PAXBP1: variants seen among roughly 807,000 people sequenced by gnomAD.
PAXBP1 encodes the protein PAX3 and PAX7 binding protein 1.
In PAXBP1, 44 loss-of-function variants were observed where a neutral mutation model predicts 119.9. That is an observed-to-expected ratio of 0.37 (90% CI 0.29 to 0.47). The LOEUF (loss-of-function observed/expected upper bound fraction) is 0.47. Ranked by LOEUF, PAXBP1 falls within the 20% of genes least tolerant of loss-of-function variation. PAXBP1 has a pLI of 0.99. For synonymous variants in PAXBP1, 393 were observed against 406.6 expected (o/e 0.97, Z 0.40); for missense variants, 898 against 1,134.1 (o/e 0.79, Z 2.99).
In PAXBP1 at chr21:32,771,325, C is replaced by T; in HGVS notation, c.343+1G>A. The stretch of plus-strand genomic sequence containing the variant: ...AAGGGCGTCCGAAGCGCGCACTTTA[C>T]CTTCCTCCTCGTCCTGGAAGCTGAG... On this transcript the variant is annotated splice_donor_variant, in intron 1 of 17. Coordinates refer to ENST00000331923, the MANE Select transcript of PAXBP1 (RefSeq NM_016631.4). LOFTEE classifies it high-confidence loss of function. 6.3e-7 allele frequency: 1 copy of T among 1,580,288 alleles called. No individual in the cohort carries two copies. The highest frequency in any genetic ancestry group is 1.1e-5 in the South Asian group (1 of 90,444).
intron 6 of PAXBP1, 188 bp from the exon 7 acceptor site, chr21:32,759,457 T>C (rs1569164229): frequency 2.9e-6 from 2 of 688,790 alleles, no homozygotes; most frequent in South Asian, 2.2e-5. Context: ...GATTTCACAG[T>C]TTTGTGGGCT....
At position 32,771,493 on chromosome 21, in the gene PAXBP1, G is replaced by A. The variant is rs1352952315; in HGVS notation, c.176C>T (p.Pro59Leu). ...CAGCGCGGAAGGCGGCGACGGCCCC[G>A]GGCCCAGCAGCGACTCCCCGCCAGG... is the stretch of plus-strand genomic sequence containing the variant. Reference protein sequence around the residue: ...RAPGGESLLGPGPSPPSALTP... With the variant: ...RAPGGESLLGLGPSPPSALTP... The change falls in exon 1 of 18, where the codon CCG becomes CTG. Residue 59 changes from proline to leucine, a missense_variant. Pro to Leu is a moderately conservative substitution (Grantham distance 98). Coordinates refer to ENST00000331923, the MANE Select transcript of PAXBP1 (RefSeq NM_016631.4). The A allele has an allele frequency of 6.1e-6, 8 of 1,318,564 alleles. No individual in the cohort carries two copies. Among genetic ancestry groups the A allele is most frequent in the Non-Finnish European group, 6.7e-6 (7 of 1,039,656 alleles). The allele number at this position is 1,318,564 out of a possible 1,614,324, so 81.7% of individuals were successfully genotyped here. A position where few individuals can be genotyped will look rare whatever the true frequency, so the allele number is the denominator to read the frequency against.
chr21:32,737,980 T>A (rs1468836770), intron 16 of PAXBP1, among the ~76,000 whole-genome samples, 193 bp downstream of exon 16: 1 of 152,086 alleles, frequency 6.6e-6, no homozygotes, highest in East Asian at 1.9e-4. Flanking sequence ...TATATATATA[T>A]AACAGTATGC....
chr21:32,771,468 C>T lies in PAXBP1; in HGVS notation c.201G>A (p.Leu67=), dbSNP rs2044350422. ...CGGCCTCAGCCCCGAGGCCCGGGGT[C>T]AGCGCGGAAGGCGGCGACGGCCCCG... ...LGPGPSPPSA[L]TPGLGAEAGG... Residue 67 remains leucine (L), a synonymous_variant, in exon 1 of 18, where the codon CTG becomes CTA. Coordinates refer to ENST00000331923, the MANE Select transcript of PAXBP1 (RefSeq NM_016631.4). The T allele has an allele frequency of 1.5e-6, 2 of 1,363,620 alleles. No individual in the cohort carries two copies. The highest frequency in any genetic ancestry group is 1.5e-5 in the African/African-American group (1 of 65,388). The allele number at this position is 1,363,620 out of a possible 1,614,324, so 84.5% of individuals were successfully genotyped here.
intron 4 of PAXBP1, 135 bp downstream of exon 4, chr21:32,761,961 T>A (rs1485791123): frequency 8.2e-6 from 7 of 857,362 alleles, no homozygotes; most frequent in Non-Finnish European, 1.3e-5. Context: ...ACTGTTTGAG[T>A]CCACGAGTCA....
Position 32,748,689 on chromosome 21 carries a change from G to C in PAXBP1, c.1733C>G (p.Ser578Ter). The change falls in exon 11 of 18, where the codon TCA (serine) becomes TGA (stop). Residue 578 changes from serine to a stop codon, truncating the protein, a stop_gained. Coordinates refer to ENST00000331923, the MANE Select transcript of PAXBP1 (RefSeq NM_016631.4). LOFTEE classifies it high-confidence loss of function. ...TTCAAAAACTTTGCCGGATTCTTTT[G>C]AAATTCGATCTAAAAACAACAAAAC... ...TNFNLEKDRI[S>*]KESGKVFEDV... is the part of the protein sequence containing the mutation. 1 of 1,609,052 alleles carries C rather than the reference G, an allele frequency of 6.2e-7. No individual in the cohort carries two copies. The highest frequency in any genetic ancestry group is 8.5e-7 in the Non-Finnish European group (1 of 1,177,474).
rs1292043119 is a variant in PAXBP1, at chr21:32,741,300, C to A, written c.2334+1948G>T. The A allele has an allele frequency of 4.0e-5, 16 of 398,870 alleles. No homozygotes were observed. In the East Asian group the frequency reaches 6.9e-4, roughly 17 times the overall value. The allele number at this position is 398,870 out of a possible 1,614,324, so 24.7% of individuals were successfully genotyped here. A position where few individuals can be genotyped will look rare whatever the true frequency, so the allele number is the denominator to read the frequency against. ...GGCCAAGGGAAGGCTTCCCCTTTGC[C>A]CTATGAAGTTTCGCTGAAAATTACT... On this transcript the variant is annotated intron_variant, in intron 15 of 17. Coordinates refer to ENST00000331923, the MANE Select transcript of PAXBP1 (RefSeq NM_016631.4).
At chr21:32,755,977 C>G (rs1488587156) in intron 7 of PAXBP1, 1 of 203,252 alleles carries the variant, frequency 4.9e-6, no homozygotes, top group Admixed American at 5.5e-5. Flanking sequence ...TCACTAACCT[C>G]TCTGAACTCA....
intron 1 of PAXBP1, among the ~76,000 whole-genome samples, chr21:32,770,820 G>T (rs2044326742): frequency 6.6e-6 from 1 of 152,214 alleles, no homozygotes; most frequent in Non-Finnish European, 1.5e-5. Flanking sequence ...GCGACTGCAA[G>T]GGACTGGCCC....
intron 1 of PAXBP1, among the ~76,000 whole-genome samples, chr21:32,770,801 T>C (rs1306433832): frequency 6.6e-6 from 1 of 152,230 alleles, no homozygotes; most frequent in African/African-American, 2.4e-5. Context: ...ATGGGTAAAC[T>C]GAGGCTCAGC....
At position 32,748,631 on chromosome 21, in the gene PAXBP1, A is replaced by G; in HGVS notation, c.1791T>C (p.Cys597=). Residue 597 remains cysteine (C), a synonymous_variant, in exon 11 of 18, where the codon TGT becomes TGC. Transcript: ENST00000331923. ...DVLESFYSID[C]IKSQFEAWRS... ...GCCATGCTTCAAACTGTGATTTAAT[A>G]CAGTCAATTGAATAGAAACTTTCAA... is the stretch of plus-strand genomic sequence containing the variant. 1 of 1,613,992 alleles carries G rather than the reference A, an allele frequency of 6.2e-7. No homozygotes were observed. The highest frequency in any genetic ancestry group is 8.5e-7 in the Non-Finnish European group (1 of 1,179,914).
At chr21:32,765,434 C>T (rs960247788) in intron 2 of PAXBP1, among the ~76,000 whole-genome samples, 2 of 152,168 alleles carry the variant, frequency 1.3e-5, no homozygotes, top group African/African-American at 4.8e-5. Flanking sequence ...AGGCAAAAAT[C>T]GAAGTGCTTC....
intron 7 of PAXBP1, among the ~76,000 whole-genome samples, chr21:32,758,038 G>T (rs1175349221): frequency 6.6e-6 from 1 of 152,188 alleles, no homozygotes; most frequent in African/African-American, 2.4e-5. Context: ...GAGAGGACAT[G>T]GTGAATGTTA....
Position 32,771,702 on chromosome 21 carries a change from T to G in PAXBP1, c.-34A>C. On this transcript the variant is annotated 5_prime_UTR_variant, in exon 1 of 18. Transcript: ENST00000331923. Reference sequence around the variant, plus strand: ...CCCGCACGGCGGTCGAATACTCGCTTCCACACCGCGGCCCCGGCAGCGCCG... The same window carrying G: ...CCCGCACGGCGGTCGAATACTCGCTGCCACACCGCGGCCCCGGCAGCGCCG... 2 of 1,352,720 alleles carry G rather than the reference T, an allele frequency of 1.5e-6. No individual in the cohort carries two copies. The highest frequency in any genetic ancestry group is 1.9e-6 in the Non-Finnish European group (2 of 1,053,092). The allele number at this position is 1,352,720 out of a possible 1,614,324, so 83.8% of individuals were successfully genotyped here. A position where few individuals can be genotyped will look rare whatever the true frequency, so the allele number is the denominator to read the frequency against.
chr21:32,738,087 A>G (rs2043720126), intron 16 of PAXBP1, 86 bp downstream of exon 16: 1 of 1,336,936 alleles, frequency 7.5e-7, no homozygotes, highest in Non-Finnish European at 1.0e-6. Flanking sequence ...GGTTTCATAA[A>G]ATTCTCAAAT....
intron 15 of PAXBP1, among the ~76,000 whole-genome samples, chr21:32,740,918 A>G (rs960795688): frequency 1.1e-4 from 17 of 152,236 alleles, no homozygotes; most frequent in African/African-American, 4.1e-4. Context: ...AACCTAAGCA[A>G]AAGATTTGAA....
intron 2 of PAXBP1, among the ~76,000 whole-genome samples, chr21:32,767,132 C>A (rs2146525381): frequency 6.6e-6 from 1 of 152,322 alleles, no homozygotes; most frequent in African/African-American, 2.4e-5. Flanking sequence ...TAGGTATTCA[C>A]TGACTACTTC....
intron 13 of PAXBP1, 79 bp from the exon 14 acceptor site, chr21:32,743,833 T>C: frequency 2.5e-6 from 2 of 810,064 alleles, no homozygotes; most frequent in Non-Finnish European, 2.0e-6. Context: ...ATCATGTAAC[T>C]GAATATTGAA....
intron 5 of PAXBP1, among the ~76,000 whole-genome samples, 154 bp downstream of exon 5, chr21:32,760,905 G>A (rs753577270): frequency 7.9e-6 from 1 of 125,974 alleles, no homozygotes; most frequent in Non-Finnish European, 1.9e-5. Context: ...GTGCGTGCGT[G>A]TGTGTGTGTG....
Sources: gnomAD v4.1 joint callset for allele counts (sites outside exome capture counted in the v4.1 genomes callset) on GRCh38, gnomAD v4.1.1 for gene constraint, MANE v1.5 for transcripts, NCBI Gene and HGNC (gene_info 2026-07-23, HGNC 2026-07-21) for gene names.